PCCA: variants seen among roughly 807,000 people sequenced by gnomAD.
PCCA encodes propionyl-CoA carboxylase alpha chain, mitochondrial.
PCCA carries 74 observed loss-of-function variants against 101.3 expected under a neutral mutation model. The ratio of observed to expected loss-of-function variants is 0.73; its 90% CI spans 0.61 to 0.89. PCCA has a LOEUF of 0.89. PCCA is among the 40% of genes least tolerant of loss of function. PCCA has a pLI of 0.00. For synonymous variants in PCCA, 294 were observed against 313.6 expected (o/e 0.94, Z 0.66); for missense variants, 891 against 907.0 (o/e 0.98, Z 0.23).
intron 16 of PCCA, among the ~76,000 whole-genome samples, chr13:100,316,173 C>G (rs2067332524): frequency 6.6e-6 from 1 of 152,088 alleles, no homozygotes; most frequent in African/African-American, 2.4e-5. Context: ...CATTATCTCA[C>G]CATATTGGCC....
At chr13:100,432,920 C>A (rs1051230073) in intron 20 of PCCA, among the ~76,000 whole-genome samples, 1 of 152,218 alleles carries the variant, frequency 6.6e-6, no homozygotes, top group Non-Finnish European at 1.5e-5. Context: ...GCTTATTTCA[C>A]TTAGCATACT....
In PCCA at chr13:100,146,893, G is replaced by T. The variant is rs146155849; in HGVS notation, c.301-8086G>T. Among the ~76,000 whole-genome samples the T allele has an allele frequency of 3.4e-3, 516 of 151,328 alleles. 9 individuals carry two copies. The highest frequency in any genetic ancestry group is 0.012 in the African/African-American group (495 of 40,914). On this transcript the variant is annotated intron_variant, in intron 4 of 23. Transcript: ENST00000376285. ...CATGTTTAGGGAAGCTTATTGCAGC[G>T]CACAATACCTGCAAATTGGAACCAT...
At chr13:100,137,825 T>C (rs1480846399) in intron 4 of PCCA, among the ~76,000 whole-genome samples, 2 of 152,022 alleles carry the variant, frequency 1.3e-5, no homozygotes, top group African/African-American at 4.8e-5. Flanking sequence ...TTTTATTTTT[T>C]TCGAGACAGG....
At chr13:100,461,412 TTAAC>T (rs1172574005) in intron 21 of PCCA, among the ~76,000 whole-genome samples, 1 of 152,234 alleles carries the variant, frequency 6.6e-6, no homozygotes, top group African/African-American at 2.4e-5. Flanking sequence ...TGTTTGAAAT[TTAAC>T]TAATTAAAAA....
At chr13:100,528,083 G>GGTC (rs1175052921) in intron 23 of PCCA, among the ~76,000 whole-genome samples, 3 of 152,196 alleles carry the variant, frequency 2.0e-5, no homozygotes, top group Non-Finnish European at 4.4e-5. Context: ...CTGAGACTTA[G>GGTC]GTGACACAGC....
chr13:100,416,512 C>CTGTG (rs143797850), intron 19 of PCCA, among the ~76,000 whole-genome samples: 33,505 of 145,272 alleles, frequency 0.23, 4,281 homozygotes, highest in East Asian at 0.61. Flanking sequence ...TTTTAAATAT[C>CTGTG]TGTGTGTGTG....
Position 100,294,656 on chromosome 13 carries a change from A to G in PCCA, c.1066-6804A>G, listed in dbSNP as rs372197028. The stretch of plus-strand genomic sequence containing the variant: ...TTGGCAGTGGTGATATTAAATGCAT[A>G]TTTAGTTTTCCAAGATGAGCTGGAA... On this transcript the variant is annotated intron_variant, in intron 12 of 23. Transcript: ENST00000376285. Among the ~76,000 whole-genome samples, 52 of 152,292 alleles carry G rather than the reference A, an allele frequency of 3.4e-4. No individual in the cohort carries two copies. In the East Asian group the frequency reaches 7.2e-3, roughly 21 times the overall value.
chr13:100,148,511 A>G (rs767798647), intron 4 of PCCA, among the ~76,000 whole-genome samples: 1 of 146,954 alleles, frequency 6.8e-6, no homozygotes, highest in Non-Finnish European at 1.5e-5. Flanking sequence ...ACTCTTGCTA[A>G]GGTTTTGCTT....
chr13:100,241,374 T>C (rs2061123928), intron 8 of PCCA, among the ~76,000 whole-genome samples: 1 of 152,240 alleles, frequency 6.6e-6, no homozygotes, highest in Non-Finnish European at 1.5e-5. Context: ...CTGGTTTCTT[T>C]CACACAGAAT....
chr13:100,300,300 A>T (rs747131410), intron 12 of PCCA, among the ~76,000 whole-genome samples: 2 of 152,238 alleles, frequency 1.3e-5, no homozygotes, highest in African/African-American at 4.8e-5. Context: ...AGCAAACTCA[A>T]CACGCACAAA....
intron 12 of PCCA, among the ~76,000 whole-genome samples, chr13:100,283,259 A>G (rs1433877274): frequency 1.3e-5 from 2 of 152,186 alleles, no homozygotes; most frequent in Non-Finnish European, 2.9e-5. Context: ...AAATGATAGA[A>G]TGACAGCCGA....
chr13:100,499,413 T>C (rs919754714), intron 21 of PCCA, among the ~76,000 whole-genome samples: 2 of 152,242 alleles, frequency 1.3e-5, no homozygotes, highest in Non-Finnish European at 2.9e-5. Flanking sequence ...CTTTTAATGT[T>C]TGACAGAGAA....
At chr13:100,242,473 T>C (rs758696469) in intron 8 of PCCA, among the ~76,000 whole-genome samples, 2 of 152,152 alleles carry the variant, frequency 1.3e-5, no homozygotes, top group African/African-American at 4.8e-5. Context: ...CTATAAGTAA[T>C]GGATGCAACA....
chr13:100,101,243 G>C (rs552616601), intron 1 of PCCA, among the ~76,000 whole-genome samples: 1 of 152,258 alleles, frequency 6.6e-6, no homozygotes, highest in South Asian at 2.1e-4. Flanking sequence ...GTTTATCTGG[G>C]AATTGCCACT....
intron 18 of PCCA, among the ~76,000 whole-genome samples, chr13:100,356,765 A>G (rs2074000998): frequency 6.6e-6 from 1 of 152,214 alleles, no homozygotes; most frequent in Admixed American, 6.5e-5. Flanking sequence ...TTGTATACAA[A>G]TGTTTATAGT....
chr13:100,174,639 A>G (rs1281337473), intron 6 of PCCA, among the ~76,000 whole-genome samples: 1 of 150,534 alleles, frequency 6.6e-6, no homozygotes, highest in Non-Finnish European at 1.5e-5. Context: ...GAGGCAGGAG[A>G]ATTGCTTGGA....
chr13:100,334,209 T>C (rs75270969), intron 17 of PCCA, among the ~76,000 whole-genome samples: 1 of 152,316 alleles, frequency 6.6e-6, no homozygotes, highest in East Asian at 1.9e-4. Flanking sequence ...GGGGACTCTC[T>C]CCATGGGAGC....
chr13:100,152,158 A>G (rs1212539651), intron 4 of PCCA, among the ~76,000 whole-genome samples: 1 of 152,172 alleles, frequency 6.6e-6, no homozygotes, highest in Non-Finnish European at 1.5e-5. Context: ...TTTTGCTACT[A>G]GTGACCCTGG....
intron 6 of PCCA, among the ~76,000 whole-genome samples, chr13:100,203,229 G>A (rs556671505): frequency 4.0e-4 from 59 of 149,082 alleles, no homozygotes; most frequent in African/African-American, 1.4e-3. Flanking sequence ...AGCTGAGGTC[G>A]CGCCACTGCA....
Sources: allele counts gnomAD v4.1 joint callset (sites outside exome capture counted in the v4.1 genomes callset), GRCh38; gene constraint gnomAD v4.1.1; transcripts MANE v1.5; gene names NCBI Gene and HGNC (gene_info 2026-07-23, HGNC 2026-07-21).